ZNF799: variants seen among roughly 807,000 people sequenced by gnomAD.
ZNF799 encodes zinc finger protein 14.
Under a neutral mutation model 41.0 loss-of-function variants are expected in ZNF799, and 28 were observed. That is an observed-to-expected ratio of 0.68 (90% CI 0.51 to 0.94). The LOEUF (loss-of-function observed/expected upper bound fraction) is 0.94, where lower values mean the gene tolerates loss of function less well. Among genes scored for constraint, ZNF799 ranks in the 40% least tolerant of loss-of-function variants. The probability of loss-of-function intolerance (pLI) is 0.00; values close to 1 mark genes in which losing one functional copy is unlikely to be tolerated. For synonymous variants in ZNF799, 213 were observed against 252.9 expected (o/e 0.84, Z 1.50); for missense variants, 716 against 764.3 (o/e 0.94, Z 0.74).
chr19:12,395,352 G>C (rs1969879693), intron 1 of ZNF799, among the ~76,000 whole-genome samples: 1 of 152,068 alleles, frequency 6.6e-6, no homozygotes, highest in Non-Finnish European at 1.5e-5. Context: ...CTGTTGGCCA[G>C]GCTGGTCTCA....
upstream of ZNF799, among the ~76,000 whole-genome samples, chr19:12,402,080 CA>C (rs1214374505): frequency 1.8e-4 from 28 of 152,222 alleles, no homozygotes; most frequent in African/African-American, 6.8e-4. Flanking sequence ...CATCCTTCTA[CA>C]CGTTTTTGGT....
At chr19:12,411,482 G>T in the ZNF799 span, among the ~76,000 whole-genome samples, 1 of 152,078 alleles carries the variant, frequency 6.6e-6, no homozygotes, top group Non-Finnish European at 1.5e-5. Context: ...AGGGACAAAT[G>T]GTTATCTTCA....
At chr19:12,401,643 G>A (rs369735006), upstream of ZNF799, among the ~76,000 whole-genome samples, 1 of 134,714 alleles carries the variant, frequency 7.4e-6, no homozygotes, top group African/African-American at 2.8e-5. Flanking sequence ...AATGGTGCGA[G>A]GCTCACTGCG....
upstream of ZNF799, chr19:12,401,308 A>G (rs1474860052): frequency 5.5e-6 from 7 of 1,275,718 alleles, no homozygotes; most frequent in African/African-American, 6.0e-5. Context: ...CTTACTGGAT[A>G]CGGCGTCAGG....
chr19:12,397,578 A>AAAAGAAAG (rs930565021), intron 1 of ZNF799, among the ~76,000 whole-genome samples: 1 of 150,540 alleles, frequency 6.6e-6, no homozygotes, highest in Non-Finnish European at 1.5e-5. Context: ...AAAAAAAAAA[A>AAAAGAAAG]AAAGAAAGAA....
chr19:12,408,840 T>C, the ZNF799 span, among the ~76,000 whole-genome samples: 27 of 152,036 alleles, frequency 1.8e-4, no homozygotes, highest in South Asian at 8.3e-4. Context: ...TCAAGACCAG[T>C]GTGGCCAACA....
chr19:12,406,241 A>G (rs567521521), upstream of ZNF799, among the ~76,000 whole-genome samples: 1 of 151,210 alleles, frequency 6.6e-6, no homozygotes, highest in Admixed American at 6.6e-5. Context: ...GAACTTTGGG[A>G]AGCCGAGGCA....
At chr19:12,409,316 C>T in the ZNF799 span, among the ~76,000 whole-genome samples, 5 of 152,182 alleles carry the variant, frequency 3.3e-5, no homozygotes, top group Non-Finnish European at 7.3e-5. Context: ...GCCTGCCGCT[C>T]ATCTCCTGCT....
At position 12,391,391 on chromosome 19, in the gene ZNF799, G is replaced by A; in HGVS notation, c.1007C>T (p.Pro336Leu). 1 of 1,614,054 alleles carries A rather than the reference G, an allele frequency of 6.2e-7. No homozygotes were observed. The highest frequency in any genetic ancestry group is 8.5e-7 in the Non-Finnish European group (1 of 1,179,990). ...TTTTCCACATATCTTACACTTATGA[G>A]GTCCATCTCTCGTGTGCATTACCAT... ...RHMVMHTRDG[P>L]HKCKICGKGF... is the part of the protein sequence containing the mutation. The change falls in exon 4 of 4, where the codon CCT becomes CTT. Residue 336 changes from proline to leucine, a missense_variant. Transcript: ENST00000430385.
the ZNF799 span, among the ~76,000 whole-genome samples, chr19:12,407,610 A>G: frequency 4.9e-4 from 75 of 152,036 alleles, no homozygotes; most frequent in African/African-American, 1.8e-3. Context: ...GCACAAGAAA[A>G]CTCTTTCCTT....
At chr19:12,399,707 G>T (rs1332919308) in intron 1 of ZNF799, among the ~76,000 whole-genome samples, 1 of 147,482 alleles carries the variant, frequency 6.8e-6, no homozygotes, top group Non-Finnish European at 1.5e-5. Context: ...GCAGAGGCAC[G>T]ATCATAGCTC....
intron 1 of ZNF799, chr19:12,394,106 A>AAGAG (rs1969863203): frequency 6.5e-6 from 1 of 154,478 alleles, no homozygotes; most frequent in Admixed American, 6.4e-5. Context: ...GAGGTGATGT[A>AAGAG]GTCCTAAGGG....
Position 12,391,710 on chromosome 19 carries a change from A to G in ZNF799, c.688T>C (p.Cys230Arg). The G allele has an allele frequency of 6.2e-7, 1 of 1,614,122 alleles. No homozygotes were observed. Among genetic ancestry groups the G allele is most frequent in the Non-Finnish European group, 8.5e-7 (1 of 1,180,012 alleles). ...TGEKPYECKQCSKAFSFYSSY... is the reference protein window; with the variant it reads ...TGEKPYECKQRSKAFSFYSSY... ...CTGTAAAAAGAAAAGGCTTTAGAAC[A>G]CTGCTTACATTCATATGGTTTCTCT... The change falls in exon 4 of 4, where the codon TGT (cysteine) becomes CGT (arginine). Residue 230 changes from cysteine to arginine, a missense_variant. Coordinates refer to ENST00000430385, the MANE Select transcript of ZNF799 (RefSeq NM_001080821.3).
At chr19:12,401,568 C>CG (rs1176116336), upstream of ZNF799, among the ~76,000 whole-genome samples, 1 of 3,654 alleles carries the variant, frequency 2.7e-4, no homozygotes, top group African/African-American at 1.3e-3. Context: ...TTTTTTTTTT[C>CG]CGAGAGAGAG....
intron 1 of ZNF799, among the ~76,000 whole-genome samples, chr19:12,399,625 T>C (rs1254410897): frequency 6.8e-6 from 1 of 146,620 alleles, no homozygotes; most frequent in Non-Finnish European, 1.5e-5. Flanking sequence ...TCCAAGAGAC[T>C]TGGCAGCTGT....
chr19:12,391,567 T>C lies in ZNF799; in HGVS notation c.831A>G (p.Gly277=), dbSNP rs1969819204. The C allele has an allele frequency of 6.2e-7, 1 of 1,614,078 alleles. No individual in the cohort carries two copies. Among genetic ancestry groups the C allele is most frequent in the East Asian group, 2.2e-5 (1 of 44,898 alleles). The change falls in exon 4 of 4, where the codon GGA becomes GGG. Residue 277 remains glycine, a synonymous_variant. Coordinates refer to ENST00000430385, the MANE Select transcript of ZNF799 (RefSeq NM_001080821.3). ...ATTGTTTACATGTATAGGGTTTCTT[T>C]CCAGTGTGAGTTCTTTCATGTCTTA... is the stretch of plus-strand genomic sequence containing the variant. ...SCLRHERTHT[G]KKPYTCKQCG...
rs566949016 is a variant in ZNF799 at position 12,400,875 on chromosome 19, C to T, written c.3+193G>A. ...CGGGGCCGCAGTCGCCGCGCAGGAA[C>T]GGGACAGGACGCCCGGGGTCCCGGC... On this transcript the variant is annotated intron_variant, in intron 1 of 3. Transcript: ENST00000430385. 3,083 of 951,768 alleles carry T rather than the reference C, an allele frequency of 3.2e-3. 8 individuals carry two copies. Among genetic ancestry groups the T allele is most frequent in the Non-Finnish European group, 3.6e-3 (2,321 of 644,320 alleles). The allele number at this position is 951,768 out of a possible 1,614,324, so 59.0% of individuals were successfully genotyped here.
At position 12,390,784 on chromosome 19, in the gene ZNF799, C is replaced by T; in HGVS notation, c.1614G>A (p.Gly538=). 2 of 1,614,146 alleles carry T rather than the reference C, an allele frequency of 1.2e-6. No individual in the cohort carries two copies. Among genetic ancestry groups the T allele is most frequent in the South Asian group, 2.2e-5 (2 of 91,078 alleles). ...GEKPYECKEC[G]KAFSWLTCFL... Reference sequence around the variant, plus strand: ...AGCAAGTGAGCCAAGAGAATGCTTTCCCACATTCCTTACATTCATACGGCT... The same window carrying T: ...AGCAAGTGAGCCAAGAGAATGCTTTTCCACATTCCTTACATTCATACGGCT... Residue 538 remains glycine, a synonymous_variant, in exon 4 of 4, where the codon GGG becomes GGA. Transcript: ENST00000430385.
At chr19:12,401,340 T>A (rs1969983222), upstream of ZNF799, 1 of 1,030,440 alleles carries the variant, frequency 9.7e-7, no homozygotes, top group Admixed American at 3.1e-5. Context: ...GTGGACTGAT[T>A]GACAGAAGAA....
Sources: allele counts gnomAD v4.1 joint callset (sites outside exome capture counted in the v4.1 genomes callset), GRCh38; gene constraint gnomAD v4.1.1; transcripts MANE v1.5; gene names NCBI Gene and HGNC (gene_info 2026-07-23, HGNC 2026-07-21).